Variants in SLC2A9 observed in about 807,000 individuals in gnomAD.
The protein encoded by SLC2A9 is solute carrier family 2, facilitated glucose transporter member 9.
SLC2A9 carries 39 observed loss-of-function variants against 50.6 expected under a neutral mutation model. The ratio of observed to expected loss-of-function variants is 0.77; its 90% CI spans 0.60 to 1.01. SLC2A9 has a LOEUF of 1.01. SLC2A9 is among the 50% of genes least tolerant of loss of function. The pLI is 0.00. For synonymous variants in SLC2A9, 324 were observed against 276.9 expected (o/e 1.17, Z -1.69); for missense variants, 686 against 677.6 (o/e 1.01, Z -0.14).
chr4:9,910,472 T>C (rs1160031866), intron 7 of SLC2A9, among the ~76,000 whole-genome samples: 1 of 152,234 alleles, frequency 6.6e-6, no homozygotes, highest in African/African-American at 2.4e-5. Context: ...TAACAGCCTT[T>C]CTTAATCATC....
rs77010392 is a variant in SLC2A9, at chr4:9,992,578, T to C, written c.410+4203A>G. ...TCAAAGAGATTCATGCCTGGGACTT[T>C]AATCACAACTATCGGAAGGAGAATT... On this transcript the variant is annotated intron_variant, in intron 3 of 11. Transcript: ENST00000264784. 5.3e-5 allele frequency among the ~76,000 whole-genome samples: 8 copies of C among 152,340 alleles called. No homozygotes were observed. The East Asian group carries it at 1.4e-3, about 26-fold the overall frequency.
chr4:10,014,381 G>C (rs1322127887), intron 2 of SLC2A9, among the ~76,000 whole-genome samples: 1 of 152,218 alleles, frequency 6.6e-6, no homozygotes. Flanking sequence ...TTCTGTGCAG[G>C]CCTGCTCAGC....
intron 11 of SLC2A9, among the ~76,000 whole-genome samples, chr4:9,834,365 G>A (rs959139431): frequency 9.2e-5 from 14 of 151,978 alleles, no homozygotes; most frequent in African/African-American, 2.2e-4. Context: ...TAATGAATTC[G>A]GTTTCCAATG....
intron 8 of SLC2A9, among the ~76,000 whole-genome samples, chr4:9,903,593 A>C (rs1289290857): frequency 2.0e-5 from 3 of 152,114 alleles, no homozygotes; most frequent in South Asian, 2.1e-4. Flanking sequence ...AGATCAAATG[A>C]GCAAAGATGT....
Position 9,995,666 on chromosome 4 carries a change from T to C in SLC2A9, c.410+1115A>G, listed in dbSNP as rs531751474. On this transcript the variant is annotated intron_variant, in intron 3 of 11. Coordinates refer to ENST00000264784, the MANE Select transcript of SLC2A9 (RefSeq NM_020041.3). Reference sequence around the variant, plus strand: ...AGGTGATGATGAGGGAAATGCCAAATAATGTGGTCAATGACAAGAATTTTT... The same window carrying C: ...AGGTGATGATGAGGGAAATGCCAAACAATGTGGTCAATGACAAGAATTTTT... The C allele has an allele frequency of 5.9e-5, 9 of 152,280 alleles. No individual in the cohort carries two copies. In the South Asian group the frequency reaches 1.9e-3, roughly 32 times the overall value. The allele number at this position is 152,280 out of a possible 1,614,324, so 9.4% of individuals were successfully genotyped here. A position where few individuals can be genotyped will look rare whatever the true frequency, so the allele number is the denominator to read the frequency against.
intron 3 of SLC2A9, among the ~76,000 whole-genome samples, chr4:9,812,351 TA>T (rs1327726325): frequency 3.3e-5 from 5 of 152,214 alleles, no homozygotes; most frequent in African/African-American, 4.8e-5. Context: ...CACTTAAAGT[TA>T]TTTAATTAGA....
intron 1 of SLC2A9, among the ~76,000 whole-genome samples, chr4:9,771,827 C>A (rs544396017): frequency 7.2e-4 from 110 of 152,230 alleles, no homozygotes; most frequent in Non-Finnish European, 1.2e-3. Context: ...GGCACTCACC[C>A]CCTTCAAGAA....
rs149454410 is a variant in SLC2A9 at position 9,942,000 on chromosome 4, C to T, written c.727G>A (p.Val243Ile). The T allele has an allele frequency of 7.2e-4, 1,158 of 1,614,066 alleles. No homozygotes were observed. The highest frequency in any genetic ancestry group is 9.3e-4 in the Non-Finnish European group (1,094 of 1,180,024). ...YLFGVIVVPAVVQLLSLPFLP... is the reference protein window; with the variant it reads ...YLFGVIVVPAIVQLLSLPFLP... ...AAGGGAAGGCTCAGCAGCTGGACAA[C>T]GGCAGGGACCACAATCACTCCAAAC... Residue 243 changes from valine (V) to isoleucine (I), a missense_variant, in exon 6 of 12, where the codon GTT becomes ATT. Val to Ile is a conservative substitution (Grantham distance 29, BLOSUM62 3). Transcript: ENST00000264784.
At chr4:9,956,657 G>C (rs1751352604) in intron 5 of SLC2A9, among the ~76,000 whole-genome samples, 2 of 152,108 alleles carry the variant, frequency 1.3e-5, no homozygotes, top group South Asian at 4.1e-4. Flanking sequence ...AATGTCTCAG[G>C]CTTTCCTTAA....
intron 6 of SLC2A9, among the ~76,000 whole-genome samples, chr4:9,922,561 G>T (rs1410341219): frequency 6.6e-6 from 1 of 152,152 alleles, no homozygotes; most frequent in African/African-American, 2.4e-5. Context: ...GGGTGATACT[G>T]TTTCAGAGTG....
chr4:10,016,339 C>G (rs148062474), intron 2 of SLC2A9, among the ~76,000 whole-genome samples: 5 of 152,304 alleles, frequency 3.3e-5, no homozygotes, highest in Admixed American at 2.0e-4. Context: ...AGTCAGTGAA[C>G]AGTGTGCCTC....
At chr4:9,855,176 G>C (rs1730541285) in intron 10 of SLC2A9, among the ~76,000 whole-genome samples, 1 of 152,188 alleles carries the variant, frequency 6.6e-6, no homozygotes, top group Non-Finnish European at 1.5e-5. Flanking sequence ...AACTATCTCT[G>C]TTTGCAGACA....
At chr4:10,025,639 T>G, upstream of SLC2A9, 4 of 469,636 alleles carry the variant, frequency 8.5e-6, no homozygotes, top group Non-Finnish European at 1.5e-5. Flanking sequence ...TGTTGAGAAA[T>G]GACCTTTGTA....
chr4:9,959,561 G>A (rs1246840855), intron 5 of SLC2A9, among the ~76,000 whole-genome samples: 3 of 152,178 alleles, frequency 2.0e-5, no homozygotes, highest in African/African-American at 4.8e-5. Context: ...GTAAGAGATT[G>A]CCTCTGGAGA....
chr4:9,946,602 G>A (rs1303234576), intron 5 of SLC2A9, among the ~76,000 whole-genome samples: 1 of 152,166 alleles, frequency 6.6e-6, no homozygotes, highest in Non-Finnish European at 1.5e-5. Flanking sequence ...CTATTTGGGG[G>A]ATTAAATGAA....
rs28571073 is a variant in SLC2A9 at position 9,890,515 on chromosome 4, A to G, written c.1215+95T>C. 2.9e-3 allele frequency: 3,282 copies of G among 1,133,136 alleles called. 25 individuals are homozygous for G. The highest frequency in any genetic ancestry group is 0.018 in the African/African-American group (1,207 of 65,774). 70.2% of individuals were successfully genotyped at this position (1,133,136 alleles called of 1,614,324 possible). The stretch of plus-strand genomic sequence containing the variant: ...GCTTTATCACAAGTGTTTTCTGTAG[A>G]AGTATGAACCCACAAATCAAAGGCC... On this transcript the variant is annotated intron_variant, in intron 9 of 11. Coordinates refer to ENST00000264784, the MANE Select transcript of SLC2A9 (RefSeq NM_020041.3).
At chr4:9,956,424 G>C (rs1386400510) in intron 5 of SLC2A9, among the ~76,000 whole-genome samples, 1 of 152,008 alleles carries the variant, frequency 6.6e-6, no homozygotes, top group Non-Finnish European at 1.5e-5. Flanking sequence ...AGCTTGCAGT[G>C]AGCCAAGATC....
intron 3 of SLC2A9, among the ~76,000 whole-genome samples, chr4:9,990,915 GT>G (rs142713311): frequency 0.018 from 2,699 of 152,272 alleles, 31 homozygotes; most frequent in Middle Eastern, 0.054. Flanking sequence ...TGGCTGGCTG[GT>G]TATCTCCCTA....
At position 9,843,136 on chromosome 4, in the gene SLC2A9, G is replaced by A. The variant is rs189365277; in HGVS notation, c.1292-8128C>T. Among the ~76,000 whole-genome samples the A allele has an allele frequency of 2.9e-3, 443 of 152,248 alleles. 3 individuals are homozygous for A. Among genetic ancestry groups the A allele is most frequent in the South Asian group, 0.017 (84 of 4,826 alleles). ...CTTTTGGCCTGCCACAATGTGGGCT[G>A]AGAGAGCTGGGGAAGTCCTCAAGCA... On this transcript the variant is annotated intron_variant, in intron 10 of 11. Coordinates refer to ENST00000264784, the MANE Select transcript of SLC2A9 (RefSeq NM_020041.3).
Sources: gnomAD v4.1 joint callset for allele counts (sites outside exome capture counted in the v4.1 genomes callset) on GRCh38, gnomAD v4.1.1 for gene constraint, MANE v1.5 for transcripts, NCBI Gene and HGNC (gene_info 2026-07-23, HGNC 2026-07-21) for gene names.